The following ELMO1 variants were observed in gnomAD, a reference collection of about 807,000 sequenced individuals.
The protein encoded by ELMO1 is engulfment and cell motility protein 1.
In ELMO1, 26 loss-of-function variants were observed where a neutral mutation model predicts 98.9. The ratio of observed to expected loss-of-function variants is 0.26; its 90% CI spans 0.19 to 0.36. ELMO1 has a LOEUF of 0.36. ELMO1 is among the 10% of genes least tolerant of loss of function. ELMO1 has a pLI of 1.00. For synonymous variants in ELMO1, 346 were observed against 346.0 expected (o/e 1.00, Z 0.00); for missense variants, 627 against 935.2 (o/e 0.67, Z 4.30).
At chr7:37,203,439 ACCATAT>A (rs1792411900) in intron 13 of ELMO1, among the ~76,000 whole-genome samples, 2 of 152,100 alleles carry the variant, frequency 1.3e-5, no homozygotes. Context: ...TCTGAGGCTC[ACCATAT>A]CCTAGCTTCA....
intron 7 of ELMO1, among the ~76,000 whole-genome samples, chr7:37,241,408 T>C (rs1423169208): frequency 6.6e-6 from 1 of 152,074 alleles, no homozygotes; most frequent in Non-Finnish European, 1.5e-5. Flanking sequence ...TTATAGTACA[T>C]CTCTTATAAA....
intron 1 of ELMO1, among the ~76,000 whole-genome samples, chr7:37,443,005 T>G (rs974050183): frequency 6.6e-6 from 1 of 152,230 alleles, no homozygotes; most frequent in Non-Finnish European, 1.5e-5. Context: ...CCAAGCCACA[T>G]CTGTAAAATG....
At position 37,187,466 on chromosome 7, in the gene ELMO1, T is replaced by TA. The variant is rs1791280568; in HGVS notation, c.1086+23919dup. 2.0e-5 allele frequency among the ~76,000 whole-genome samples: 3 copies of TA among 152,210 alleles called. No individual in the cohort carries two copies. The South Asian group carries it at 6.2e-4, about 32-fold the overall frequency. ...ATATGGTCTATAAATTATACATCAATAAAACTGTTAAAATATGAGTTATGT... is the reference window on the plus strand; with the variant it reads ...ATATGGTCTATAAATTATACATCAATAAAAACTGTTAAAATATGAGTTATGT... On this transcript the variant is annotated intron_variant, in intron 13 of 21. Coordinates refer to ENST00000310758, the MANE Select transcript of ELMO1 (RefSeq NM_014800.11).
intron 15 of ELMO1, among the ~76,000 whole-genome samples, chr7:37,088,324 T>C (rs1783892424): frequency 6.6e-6 from 1 of 152,188 alleles, no homozygotes; most frequent in African/African-American, 2.4e-5. Context: ...CAGAAGTATC[T>C]CCAAGTACTG....
At chr7:37,259,599 G>C (rs994391848) in intron 5 of ELMO1, among the ~76,000 whole-genome samples, 3 of 152,146 alleles carry the variant, frequency 2.0e-5, no homozygotes, top group Non-Finnish European at 2.9e-5. Flanking sequence ...TTTCCATTTC[G>C]AGGAAAAGCA....
rs572537600 is a variant in ELMO1 at position 37,221,771 on chromosome 7, GCAAC to G, written c.780+840_780+843del. ...TACAGCAGTGTGATGTCAGCTCACT[GCAAC>G]CTCTGCCTCCCGGCTTGGTTCAAGT... On this transcript the variant is annotated intron_variant, in intron 10 of 21. Transcript: ENST00000310758. Among the ~76,000 whole-genome samples, 136 of 151,676 alleles carry G rather than the reference GCAAC, an allele frequency of 9.0e-4. 1 individual carries two copies. The highest frequency in any genetic ancestry group is 3.2e-3 in the African/African-American group (130 of 41,242).
chr7:37,373,210 A>G (rs1423603661), intron 1 of ELMO1, among the ~76,000 whole-genome samples: 1 of 152,256 alleles, frequency 6.6e-6, no homozygotes, highest in Non-Finnish European at 1.5e-5. Flanking sequence ...TGAAAAGCAA[A>G]TCATTTCACC....
intron 4 of ELMO1, among the ~76,000 whole-genome samples, chr7:37,276,481 G>A (rs1412406673): frequency 6.6e-6 from 1 of 152,090 alleles, no homozygotes; most frequent in Non-Finnish European, 1.5e-5. Context: ...CGTGGTGGCA[G>A]GCGCCTGTAG....
At chr7:36,974,618 C>G (rs1027329412) in intron 16 of ELMO1, among the ~76,000 whole-genome samples, 2 of 150,978 alleles carry the variant, frequency 1.3e-5, no homozygotes, top group Non-Finnish European at 1.5e-5. Flanking sequence ...ACAGACCACT[C>G]GGCTCTACCA....
chr7:37,247,477 C>G (rs935523043), intron 6 of ELMO1, among the ~76,000 whole-genome samples: 2 of 152,164 alleles, frequency 1.3e-5, no homozygotes, highest in Admixed American at 1.3e-4. Context: ...CATGTGCTTT[C>G]TGCCTCAGCT....
At chr7:36,878,283 C>T (rs1804133886) in intron 18 of ELMO1, among the ~76,000 whole-genome samples, 166 bp from the exon 19 acceptor site, 1 of 152,148 alleles carries the variant, frequency 6.6e-6, no homozygotes, top group Non-Finnish European at 1.5e-5. Context: ...TCCCTTTTGA[C>T]TTTAATATTT....
At chr7:37,359,025 C>T (rs967110206) in intron 1 of ELMO1, among the ~76,000 whole-genome samples, 1 of 152,160 alleles carries the variant, frequency 6.6e-6, no homozygotes, top group Non-Finnish European at 1.5e-5. Context: ...ATTATGGCTT[C>T]TATAACAGAA....
intron 13 of ELMO1, among the ~76,000 whole-genome samples, chr7:37,176,805 G>A (rs1048217275): frequency 2.6e-5 from 4 of 152,152 alleles, no homozygotes; most frequent in African/African-American, 7.2e-5. Flanking sequence ...GCTGATATTG[G>A]TTGCAGTAAA....
At chr7:37,395,298 C>T (rs1413298808) in intron 1 of ELMO1, among the ~76,000 whole-genome samples, 1 of 134,066 alleles carries the variant, frequency 7.5e-6, no homozygotes, top group Non-Finnish European at 1.5e-5. Flanking sequence ...ACCCGGGAGG[C>T]GGAGGTTGCA....
At chr7:37,264,759 C>T (rs1336786516) in intron 5 of ELMO1, among the ~76,000 whole-genome samples, 2 of 152,110 alleles carry the variant, frequency 1.3e-5, no homozygotes, top group African/African-American at 4.8e-5. Context: ...AGGGAGGAAA[C>T]AGCTCATAAA....
chr7:37,243,851 A>G (rs1397428641), intron 7 of ELMO1, among the ~76,000 whole-genome samples: 2 of 152,232 alleles, frequency 1.3e-5, no homozygotes, highest in Non-Finnish European at 2.9e-5. Context: ...TTCTATCTTC[A>G]GACACAATCA....
chr7:37,089,514 T>C (rs929671136), intron 15 of ELMO1, among the ~76,000 whole-genome samples: 7 of 152,172 alleles, frequency 4.6e-5, no homozygotes, highest in African/African-American at 1.2e-4. Context: ...AAAAGCATAA[T>C]TGAAGAAGTG....
intron 17 of ELMO1, among the ~76,000 whole-genome samples, chr7:36,888,601 G>C (rs900932296): frequency 2.0e-5 from 3 of 152,150 alleles, no homozygotes; most frequent in Non-Finnish European, 2.9e-5. Context: ...TATAAAATGG[G>C]AATAAGAATC....
At chr7:37,172,791 TA>T (rs201516430) in intron 13 of ELMO1, among the ~76,000 whole-genome samples, 1 of 151,650 alleles carries the variant, frequency 6.6e-6, no homozygotes, top group African/African-American at 2.4e-5. Flanking sequence ...ACATTGAAGC[TA>T]AAAAAAAATT....
Sources: allele counts gnomAD v4.1 joint callset (sites outside exome capture counted in the v4.1 genomes callset), GRCh38; gene constraint gnomAD v4.1.1; transcripts MANE v1.5; gene names NCBI Gene and HGNC (gene_info 2026-07-23, HGNC 2026-07-21).